The following ACER2 variants were observed in gnomAD, a reference collection of about 807,000 sequenced individuals.
ACER2 encodes the protein alkCDase 2.
ACER2 carries 26 observed loss-of-function variants against 34.7 expected under a neutral mutation model. The ratio of observed to expected loss-of-function variants is 0.75; its 90% CI spans 0.55 to 1.04. ACER2 has a LOEUF of 1.04. ACER2 is among the 50% of genes least tolerant of loss of function. ACER2 has a pLI of 0.00. For missense variants in ACER2, 352 were observed against 340.8 expected (o/e 1.03, Z -0.26); for synonymous variants, 138 against 132.1 (o/e 1.04, Z -0.31).
chr9:19,426,999 C>T (rs918966229), intron 3 of ACER2, among the ~76,000 whole-genome samples: 1 of 152,222 alleles, frequency 6.6e-6, no homozygotes, highest in Non-Finnish European at 1.5e-5. Context: ...AAGATATAGC[C>T]ACTCTGTCCT....
intron 5 of ACER2, 95 bp from the exon 6 acceptor site, chr9:19,450,355 G>A: frequency 7.2e-7 from 1 of 1,394,682 alleles, no homozygotes; most frequent in Admixed American, 2.2e-5. Context: ...CAGTCAGCAA[G>A]GTGCGTGGGT....
intron 1 of ACER2, among the ~76,000 whole-genome samples, chr9:19,419,454 A>G (rs1012350288): frequency 2.0e-4 from 31 of 152,118 alleles, no homozygotes; most frequent in Admixed American, 1.6e-3. Context: ...GGAAGGAGAG[A>G]AAGATCCGCA....
chr9:19,435,357 C>T (rs528735682), intron 4 of ACER2, among the ~76,000 whole-genome samples: 2 of 152,268 alleles, frequency 1.3e-5, no homozygotes, highest in South Asian at 4.1e-4. Flanking sequence ...ATCAAGCTGT[C>T]TAGACTTAAT....
intron 4 of ACER2, among the ~76,000 whole-genome samples, chr9:19,444,275 G>C (rs1239906948): frequency 6.7e-6 from 1 of 149,544 alleles, no homozygotes; most frequent in African/African-American, 2.5e-5. Context: ...GCAGTGGCGC[G>C]ATCTCGGCTC....
chr9:19,446,337 T>C lies in ACER2; in HGVS notation c.560T>C (p.Leu187Pro), dbSNP rs1302369076. The change falls in exon 5 of 6, where the codon CTG (leucine) becomes CCG (proline). Residue 187 changes from leucine to proline, a missense_variant. Leu to Pro is a moderately conservative substitution (Grantham distance 98). Coordinates refer to ENST00000340967, the MANE Select transcript of ACER2 (RefSeq NM_001010887.3). ...LGLFSGLWWT[L>P]ALFCWISDRA... ...CTCTTCTCGGGCCTCTGGTGGACCC[T>C]GGCCCTGTTCTGCTGGATCAGTGAC... 4 of 1,614,200 alleles carry C rather than the reference T, an allele frequency of 2.5e-6. No individual in the cohort carries two copies. The highest frequency in any genetic ancestry group is 3.4e-6 in the Non-Finnish European group (4 of 1,180,044).
Position 19,435,772 on chromosome 9 carries a change from G to A in ACER2, c.503+688G>A, listed in dbSNP as rs147125845. On this transcript the variant is annotated intron_variant, in intron 4 of 5. Coordinates refer to ENST00000340967, the MANE Select transcript of ACER2 (RefSeq NM_001010887.3). Reference sequence around the variant, plus strand: ...TCTCAAAAAAAGGAAAAAAAAAGCCGGGCGCAGTGGCTCATGCCTGTAATC... The same window carrying A: ...TCTCAAAAAAAGGAAAAAAAAAGCCAGGCGCAGTGGCTCATGCCTGTAATC... Among the ~76,000 whole-genome samples the A allele has an allele frequency of 4.2e-4, 63 of 150,962 alleles. No individual in the cohort carries two copies. The East Asian group carries it at 0.011, about 26-fold the overall frequency.
intron 1 of ACER2, among the ~76,000 whole-genome samples, chr9:19,421,563 A>G (rs149117284): frequency 2.6e-5 from 4 of 152,322 alleles, no homozygotes; most frequent in Non-Finnish European, 5.9e-5. Context: ...ATAAAGACAA[A>G]AGGCAGATTG....
intron 1 of ACER2, among the ~76,000 whole-genome samples, chr9:19,413,915 G>A (rs1056923757): frequency 7.2e-5 from 11 of 152,186 alleles, no homozygotes; most frequent in African/African-American, 2.7e-4. Context: ...CCATCAATCT[G>A]AGCATTTGCT....
At chr9:19,409,411 C>T (rs951928290) in intron 1 of ACER2, among the ~76,000 whole-genome samples, 2 of 152,224 alleles carry the variant, frequency 1.3e-5, no homozygotes, top group African/African-American at 4.8e-5. Flanking sequence ...CATCTTCCTC[C>T]TGCTGTCATT....
intron 3 of ACER2, among the ~76,000 whole-genome samples, chr9:19,425,940 A>G (rs1257637425): frequency 6.6e-6 from 1 of 152,224 alleles, no homozygotes; most frequent in Non-Finnish European, 1.5e-5. Flanking sequence ...CTGAAAAGGA[A>G]CAGGAGCTGT....
intron 1 of ACER2, among the ~76,000 whole-genome samples, chr9:19,422,900 T>C (rs1830446764): frequency 1.3e-5 from 2 of 151,588 alleles, no homozygotes; most frequent in African/African-American, 4.8e-5. Context: ...GGTGTGGTGG[T>C]GAGCGCCTGT....
chr9:19,410,198 T>C (rs1014395162), intron 1 of ACER2, among the ~76,000 whole-genome samples: 4 of 152,230 alleles, frequency 2.6e-5, no homozygotes, highest in African/African-American at 9.6e-5. Flanking sequence ...GTCAGGTGCT[T>C]ACTGCCTGCA....
At chr9:19,442,699 G>A (rs1213609311) in intron 4 of ACER2, among the ~76,000 whole-genome samples, 2 of 152,144 alleles carry the variant, frequency 1.3e-5, no homozygotes, top group African/African-American at 2.4e-5. Flanking sequence ...ATAGATCCTC[G>A]TGTCCCAGAC....
intron 1 of ACER2, among the ~76,000 whole-genome samples, chr9:19,415,615 A>G (rs1294348364): frequency 2.6e-5 from 4 of 152,200 alleles, no homozygotes; most frequent in African/African-American, 4.8e-5. Flanking sequence ...TTTGCAAATA[A>G]TATATAAATA....
chr9:19,425,643 A>T (rs1417796170), intron 3 of ACER2, among the ~76,000 whole-genome samples: 1 of 152,202 alleles, frequency 6.6e-6, no homozygotes, highest in Non-Finnish European at 1.5e-5. Context: ...TGATAAGGGT[A>T]TAGTGGTGAC....
intron 4 of ACER2, 101 bp downstream of exon 4, chr9:19,435,185 C>T (rs1162789575): frequency 5.0e-6 from 7 of 1,409,380 alleles, no homozygotes; most frequent in Non-Finnish European, 6.7e-6. Flanking sequence ...GAGTTTTATT[C>T]CTTGTGAAGA....
chr9:19,414,004 G>T (rs1412863963), intron 1 of ACER2, among the ~76,000 whole-genome samples: 3 of 152,206 alleles, frequency 2.0e-5, no homozygotes, highest in African/African-American at 7.2e-5. Flanking sequence ...ATAGAGGTGT[G>T]TACAAGCCGC....
At chr9:19,422,757 G>T (rs747074872) in intron 1 of ACER2, among the ~76,000 whole-genome samples, 2 of 151,644 alleles carry the variant, frequency 1.3e-5, no homozygotes, top group East Asian at 1.9e-4. Flanking sequence ...GCAGGCGGGC[G>T]CAGTGGCTCA....
chr9:19,443,188 G>A (rs1831216438), intron 4 of ACER2, among the ~76,000 whole-genome samples: 3 of 152,126 alleles, frequency 2.0e-5, no homozygotes, highest in African/African-American at 4.8e-5. Flanking sequence ...CTGCCACCAT[G>A]CCCAGCTAAT....
Sources: allele counts gnomAD v4.1 joint callset (sites outside exome capture counted in the v4.1 genomes callset), GRCh38; gene constraint gnomAD v4.1.1; transcripts MANE v1.5; gene names NCBI Gene and HGNC (gene_info 2026-07-23, HGNC 2026-07-21).